CTXN2: variants seen among roughly 807,000 people sequenced by gnomAD.
CTXN2 encodes the protein cortexin-2.
A neutral mutation model predicts 5.7 loss-of-function variants in CTXN2; 3 were observed. The observed-to-expected ratio is 0.53, with a 90% CI of 0.24 to 1.36. The LOEUF (loss-of-function observed/expected upper bound fraction) is 1.36, where lower values mean the gene tolerates loss of function less well. CTXN2 is among the 40% of genes most tolerant of loss of function. CTXN2 has a pLI of 0.17. For missense variants in CTXN2, 87 were observed against 93.0 expected (o/e 0.94, Z 0.26); for synonymous variants, 38 against 36.4 (o/e 1.04, Z -0.16).
chr15:48,197,557 C>T (rs571086178), intron 1 of CTXN2, among the ~76,000 whole-genome samples: 1 of 151,990 alleles, frequency 6.6e-6, no homozygotes, highest in Non-Finnish European at 1.5e-5. Flanking sequence ...AAAGTACTGA[C>T]ATCTAACAGA....
intron 1 of CTXN2, among the ~76,000 whole-genome samples, chr15:48,195,458 C>G (rs539858463): frequency 6.4e-4 from 98 of 152,206 alleles, no homozygotes; most frequent in African/African-American, 2.4e-3. Flanking sequence ...AAACTCTTAG[C>G]CTGACAGTCA....
At chr15:48,195,526 C>T (rs540771232) in intron 1 of CTXN2, among the ~76,000 whole-genome samples, 98 of 152,258 alleles carry the variant, frequency 6.4e-4, no homozygotes, top group African/African-American at 2.4e-3. Context: ...CCCATACTCC[C>T]CCTTGCCTGT....
chr15:48,199,353 G>A (rs2040909239), intron 1 of CTXN2, among the ~76,000 whole-genome samples: 1 of 152,226 alleles, frequency 6.6e-6, no homozygotes, highest in South Asian at 2.1e-4. Context: ...TTCACTGAAG[G>A]AAATCTATTG....
upstream of CTXN2, chr15:48,191,004 G>C (rs1335052240): frequency 6.6e-6 from 1 of 152,288 alleles, no homozygotes; most frequent in African/African-American, 2.4e-5. Context: ...TTGTGTTGGG[G>C]AGACAGGTCT....
At chr15:48,188,874 C>G (rs2040785203), upstream of CTXN2, among the ~76,000 whole-genome samples, 2 of 152,242 alleles carry the variant, frequency 1.3e-5, no homozygotes, top group South Asian at 4.1e-4. Flanking sequence ...AGTTCTTCAT[C>G]CCTTCTTTGG....
chr15:48,185,483 C>T (rs983851395), intron 1 of CTXN2, among the ~76,000 whole-genome samples: 4 of 151,920 alleles, frequency 2.6e-5, no homozygotes, highest in African/African-American at 9.7e-5. Flanking sequence ...AAATAACTGG[C>T]AATATTTCGG....
At chr15:48,178,576 G>A (rs977192384) in intron 1 of CTXN2, 3 of 276,908 alleles carry the variant, frequency 1.1e-5, no homozygotes, top group Non-Finnish European at 2.0e-5. Context: ...CTTGGCACCA[G>A]TGGAGTCTTC....
At position 48,202,331 on chromosome 15, in the gene CTXN2, T is replaced by C. The variant is rs548286559; in HGVS notation, c.*785T>C. ...GAGCTATGCTCTAATGGGTAAGTCATCTAATCTCTGTGAGCTTCAGTGAAG... is the reference window on the plus strand; with the variant it reads ...GAGCTATGCTCTAATGGGTAAGTCACCTAATCTCTGTGAGCTTCAGTGAAG... On this transcript the variant is annotated 3_prime_UTR_variant, in exon 2 of 2. Coordinates refer to ENST00000417307, the MANE Select transcript of CTXN2 (RefSeq NM_001145668.2). The C allele has an allele frequency of 6.0e-6, 1 of 167,224 alleles. No homozygotes were observed. Among genetic ancestry groups the C allele is most frequent in the South Asian group, 2.1e-4 (1 of 4,822 alleles). The allele number at this position is 167,224 out of a possible 1,614,324, so 10.4% of individuals were successfully genotyped here.
At chr15:48,186,312 C>T (rs1238097837) in intron 1 of CTXN2, among the ~76,000 whole-genome samples, 1 of 152,138 alleles carries the variant, frequency 6.6e-6, no homozygotes, top group East Asian at 1.9e-4. Flanking sequence ...GAAAACAGAG[C>T]ATCTCATTTT....
chr15:48,193,260 T>C (rs1402805132), intron 1 of CTXN2, among the ~76,000 whole-genome samples: 1 of 152,166 alleles, frequency 6.6e-6, no homozygotes, highest in Non-Finnish European at 1.5e-5. Flanking sequence ...TACCTAACCA[T>C]TTATTCCAGT....
chr15:48,179,192 C>T (rs1480712707), intron 1 of CTXN2, among the ~76,000 whole-genome samples: 2 of 152,078 alleles, frequency 1.3e-5, no homozygotes, highest in Admixed American at 6.6e-5. Context: ...ATTGACATAA[C>T]CTTTTTCAGC....
rs1395174211 is a variant in CTXN2 at position 48,201,910 on chromosome 15, C to T, written c.*364C>T. Reference sequence around the variant, plus strand: ...AAAGCCCAGGCATCCCCTCCACATTCCTGACTCAGACCCCTTTAGCTTTAG... The same window carrying T: ...AAAGCCCAGGCATCCCCTCCACATTTCTGACTCAGACCCCTTTAGCTTTAG... On this transcript the variant is annotated 3_prime_UTR_variant, in exon 2 of 2. Transcript: ENST00000417307. 1 of 250,398 alleles carries T rather than the reference C, an allele frequency of 4.0e-6. No individual in the cohort carries two copies. Among genetic ancestry groups the T allele is most frequent in the Non-Finnish European group, 8.3e-6 (1 of 119,946 alleles). The allele number at this position is 250,398 out of a possible 1,614,324, so 15.5% of individuals were successfully genotyped here.
intron 1 of CTXN2, among the ~76,000 whole-genome samples, chr15:48,199,360 A>G (rs1236347693): frequency 6.6e-6 from 1 of 152,162 alleles, no homozygotes; most frequent in African/African-American, 2.4e-5. Context: ...AAGGAAATCT[A>G]TTGGGAAACC....
At chr15:48,197,636 T>C (rs928069186) in intron 1 of CTXN2, among the ~76,000 whole-genome samples, 1 of 152,046 alleles carries the variant, frequency 6.6e-6, no homozygotes, top group African/African-American at 2.4e-5. Flanking sequence ...TTCATTTAGC[T>C]CTTTAGATTT....
At chr15:48,194,474 A>G (rs1369404080) in intron 1 of CTXN2, among the ~76,000 whole-genome samples, 4 of 152,172 alleles carry the variant, frequency 2.6e-5, no homozygotes, top group Non-Finnish European at 5.9e-5. Context: ...CTAAATTTTT[A>G]TAATGATGAA....
At chr15:48,201,045 C>T (rs1272773384) in intron 1 of CTXN2, among the ~76,000 whole-genome samples, 199 bp from the exon 2 acceptor site, 1 of 152,150 alleles carries the variant, frequency 6.6e-6, no homozygotes, top group African/African-American at 2.4e-5. Context: ...TATGTGTCCG[C>T]AAAGGAAATT....
chr15:48,178,455 G>A (rs1029450262), intron 1 of CTXN2: 2 of 494,444 alleles, frequency 4.0e-6, no homozygotes, highest in Admixed American at 9.0e-5. Context: ...CATGGGAGCT[G>A]GGGTCAGGGC....
chr15:48,199,852 G>T (rs1433762638), intron 1 of CTXN2, among the ~76,000 whole-genome samples: 1 of 152,094 alleles, frequency 6.6e-6, no homozygotes, highest in African/African-American at 2.4e-5. Context: ...CTCAACAGGG[G>T]TTTGAACAAT....
chr15:48,197,664 A>G (rs1327824312), intron 1 of CTXN2, among the ~76,000 whole-genome samples: 1 of 152,058 alleles, frequency 6.6e-6, no homozygotes, highest in East Asian at 1.9e-4. Context: ...GCATTCTGAC[A>G]GTTTTTGGTC....
Sources: allele counts gnomAD v4.1 joint callset (sites outside exome capture counted in the v4.1 genomes callset), GRCh38; gene constraint gnomAD v4.1.1; transcripts MANE v1.5; gene names NCBI Gene and HGNC (gene_info 2026-07-23, HGNC 2026-07-21).